The following HEATR5A variants were observed in gnomAD, a reference collection of about 807,000 sequenced individuals.
HEATR5A encodes HEAT repeat-containing protein 5A.
Under a neutral mutation model 218.8 loss-of-function variants are expected in HEATR5A, and 178 were observed. The observed-to-expected ratio is 0.81, with a 90% confidence interval of 0.72 to 0.92. HEATR5A has a LOEUF of 0.92. Ranked by LOEUF, HEATR5A falls within the 40% of genes least tolerant of loss-of-function variation. HEATR5A has a pLI of 0.00. For missense variants in HEATR5A, 2,420 were observed against 2,418.9 expected (o/e 1.00, Z -0.01); for synonymous variants, 864 against 871.6 (o/e 0.99, Z 0.15).
At chr14:31,311,707 A>G (rs1192243793) in intron 28 of HEATR5A, among the ~76,000 whole-genome samples, 1 of 152,236 alleles carries the variant, frequency 6.6e-6, no homozygotes, top group African/African-American at 2.4e-5. Flanking sequence ...ACAATCAGGA[A>G]GAAAACAATT....
chr14:31,343,249 C>A (rs527408308), intron 21 of HEATR5A, among the ~76,000 whole-genome samples: 3 of 152,228 alleles, frequency 2.0e-5, no homozygotes, highest in South Asian at 4.1e-4. Context: ...CCCACCACCA[C>A]GCCCAGCTAA....
intron 33 of HEATR5A, among the ~76,000 whole-genome samples, chr14:31,300,396 C>G (rs980401993): frequency 4.0e-5 from 6 of 151,630 alleles, no homozygotes; most frequent in Admixed American, 3.9e-4. Flanking sequence ...CAAGCGATTC[C>G]TAGAATCCAT....
rs199712306 is a variant in HEATR5A, at chr14:31,394,125, A to G, written c.699T>C (p.Asp233=). The change falls in exon 6 of 36, where the codon GAT becomes GAC. Residue 233 remains aspartate (D), a synonymous_variant. Transcript: ENST00000543095. ...CFKSFEGSNY[D]VRISVSKLLG... ...GTAACTTTGAAACAGAAATCCGCAC[A>G]TCATAATTGGAACCTTCAAAGGACT... 4 of 1,535,394 alleles carry G rather than the reference A, an allele frequency of 2.6e-6. No homozygotes were observed. The highest frequency in any genetic ancestry group is 3.5e-6 in the Non-Finnish European group (4 of 1,146,164).
rs1277852954 is a variant in HEATR5A, at chr14:31,337,681, TA to T, written c.3229-68del. On this transcript the variant is annotated intron_variant, in intron 21 of 35. Coordinates refer to ENST00000543095, the MANE Select transcript of HEATR5A (RefSeq NM_015473.4). ...GTTGGCACTCAGTGAGTCTAATAGA[TA>T]TTCACTGGACCCCTTCCTGATTCTG... 24 of 1,362,518 alleles carry T rather than the reference TA, an allele frequency of 1.8e-5. No homozygotes were observed. In the East Asian group the frequency reaches 5.2e-4, roughly 29 times the overall value. The allele number at this position is 1,362,518 out of a possible 1,614,324, so 84.4% of individuals were successfully genotyped here. A position where few individuals can be genotyped will look rare whatever the true frequency, so the allele number is the denominator to read the frequency against.
intron 1 of HEATR5A, among the ~76,000 whole-genome samples, chr14:31,407,209 T>A (rs2031101209): frequency 6.6e-6 from 1 of 152,120 alleles, no homozygotes; most frequent in African/African-American, 2.4e-5. Flanking sequence ...GAAGATCACT[T>A]GAGCCCAGGA....
chr14:31,320,545 C>A, intron 25 of HEATR5A: 1 of 1,015,290 alleles, frequency 9.8e-7, no homozygotes, highest in South Asian at 1.3e-5. Flanking sequence ...CTGGGCTATT[C>A]AAGGAGAAGG....
At position 31,374,891 on chromosome 14, in the gene HEATR5A, G is replaced by A. The variant is rs1441526132; in HGVS notation, c.1786C>T (p.Leu596=). The A allele has an allele frequency of 1.2e-6, 2 of 1,613,374 alleles. No homozygotes were observed. The highest frequency in any genetic ancestry group is 1.7e-6 in the Non-Finnish European group (2 of 1,179,712). The part of the protein sequence containing the change: ...KCVFPASPKD[L]ETEKSRGDSF... ...TCTCCTCGGCTCTTTTCTGTTTCTAGATCTTTAGGAGATGCTGGAAAGACA... is the reference window on the plus strand; with the variant it reads ...TCTCCTCGGCTCTTTTCTGTTTCTAAATCTTTAGGAGATGCTGGAAAGACA... The change falls in exon 12 of 36, where the codon CTA becomes TTA. Residue 596 remains leucine (L), a synonymous_variant. Coordinates refer to ENST00000543095, the MANE Select transcript of HEATR5A (RefSeq NM_015473.4).
At chr14:31,293,681 T>C (rs1397600765) in intron 35 of HEATR5A, 69 bp from the exon 36 acceptor site, 2 of 1,374,846 alleles carry the variant, frequency 1.5e-6, no homozygotes, top group African/African-American at 2.9e-5. Context: ...CAAATGCACT[T>C]GATCTGTATA....
At chr14:31,352,063 T>TA (rs1901254149) in intron 16 of HEATR5A, among the ~76,000 whole-genome samples, 1 of 152,222 alleles carries the variant, frequency 6.6e-6, no homozygotes, top group African/African-American at 2.4e-5. Flanking sequence ...CATGTCCTTA[T>TA]AGCACAGAGG....
At chr14:31,321,948 T>G (rs1382538305) in intron 24 of HEATR5A, among the ~76,000 whole-genome samples, 1 of 152,202 alleles carries the variant, frequency 6.6e-6, no homozygotes, top group Non-Finnish European at 1.5e-5. Flanking sequence ...TAATAGTATC[T>G]TCAATAAAAT....
At chr14:31,377,677 C>CT (rs1829043338) in intron 11 of HEATR5A, among the ~76,000 whole-genome samples, 1 of 152,080 alleles carries the variant, frequency 6.6e-6, no homozygotes. Flanking sequence ...ACTCAAGAGG[C>CT]TGAGGCAGGT....
At chr14:31,393,983 A>T in intron 6 of HEATR5A, 69 bp downstream of exon 6, 1 of 1,013,092 alleles carries the variant, frequency 9.9e-7, no homozygotes, top group Non-Finnish European at 1.4e-6. Flanking sequence ...ATAACACTAT[A>T]CATATTTGTT....
chr14:31,387,210 T>C lies in HEATR5A; in HGVS notation c.1099A>G (p.Thr367Ala). The C allele has an allele frequency of 1.2e-6, 2 of 1,613,926 alleles. No individual in the cohort carries two copies. Among genetic ancestry groups the C allele is most frequent in the Non-Finnish European group, 1.7e-6 (2 of 1,179,874 alleles). ...CRRCVSFILR[T>A]TIGGLLGEKA... Reference sequence around the variant, plus strand: ...TCTCCAAGAAGACCACCTATAGTAGTTCGAAGAATAAATGAAACACAACGG... The same window carrying C: ...TCTCCAAGAAGACCACCTATAGTAGCTCGAAGAATAAATGAAACACAACGG... Residue 367 changes from threonine to alanine, a missense_variant, in exon 8 of 36, where the codon ACT (threonine) becomes GCT (alanine). Thr to Ala is a moderately conservative substitution (Grantham distance 58, BLOSUM62 0). Coordinates refer to ENST00000543095, the MANE Select transcript of HEATR5A (RefSeq NM_015473.4).
chr14:31,357,067 T>C (rs1193432648), intron 16 of HEATR5A, among the ~76,000 whole-genome samples: 1 of 152,252 alleles, frequency 6.6e-6, no homozygotes, highest in African/African-American at 2.4e-5. Flanking sequence ...AATCTTTCTT[T>C]GAATATTCCA....
At chr14:31,400,259 A>G (rs1221175705) in intron 3 of HEATR5A, 42 bp downstream of exon 3, 1 of 1,290,566 alleles carries the variant, frequency 7.7e-7, no homozygotes, top group East Asian at 2.5e-5. Flanking sequence ...TACAACAGGA[A>G]GCAATATTTT....
intron 7 of HEATR5A, among the ~76,000 whole-genome samples, chr14:31,388,204 A>G (rs2030309980): frequency 6.6e-6 from 1 of 152,184 alleles, no homozygotes; most frequent in Non-Finnish European, 1.5e-5. Flanking sequence ...TTATACTGGG[A>G]AGCTCATATT....
chr14:31,387,111 G>T lies in HEATR5A; in HGVS notation c.1189+9C>A. On this transcript the variant is annotated intron_variant, in intron 8 of 35. Coordinates refer to ENST00000543095, the MANE Select transcript of HEATR5A (RefSeq NM_015473.4). ...CTGTTAAACAAACTGTCTTAGTAGA[G>T]ATCCATACCCATAACTTTCTTTAGC... The T allele has an allele frequency of 2.5e-6, 4 of 1,613,730 alleles. No individual in the cohort carries two copies. The Middle Eastern group carries it at 4.9e-4, about 200-fold the overall frequency.
intron 13 of HEATR5A, among the ~76,000 whole-genome samples, chr14:31,368,537 C>CT (rs1325708327): frequency 3.3e-5 from 5 of 151,956 alleles, no homozygotes; most frequent in Non-Finnish European, 7.4e-5. Flanking sequence ...GTAAGGAAGA[C>CT]TTCTTTTTTT....
intron 1 of HEATR5A, among the ~76,000 whole-genome samples, chr14:31,412,514 T>C (rs1225405480): frequency 1.1e-4 from 1 of 9,484 alleles, no homozygotes; most frequent in Non-Finnish European, 2.8e-4. Context: ...CAAGACTCCA[T>C]CTCAAAAAAA....
Sources: allele counts gnomAD v4.1 joint callset (sites outside exome capture counted in the v4.1 genomes callset), GRCh38; gene constraint gnomAD v4.1.1; transcripts MANE v1.5; gene names NCBI Gene and HGNC (gene_info 2026-07-23, HGNC 2026-07-21).